The following VAT1L variants were observed in gnomAD, a reference collection of about 807,000 sequenced individuals.
The protein encoded by VAT1L is vesicle amine transport 1 like.
A neutral mutation model predicts 44.1 loss-of-function variants in VAT1L; 34 were observed. The observed-to-expected ratio is 0.77, with a 90% CI of 0.59 to 1.03. The LOEUF is 1.03. Ranked by LOEUF, VAT1L falls within the 50% of genes least tolerant of loss-of-function variation. The pLI is 0.00. For synonymous variants in VAT1L, 253 were observed against 202.2 expected (o/e 1.25, Z -2.13); for missense variants, 615 against 538.8 (o/e 1.14, Z -1.40).
chr16:77,906,534 A>G (rs550927903), intron 7 of VAT1L, among the ~76,000 whole-genome samples: 11 of 152,336 alleles, frequency 7.2e-5, no homozygotes, highest in African/African-American at 2.6e-4. Context: ...CCAGAGAGAA[A>G]AAGTGAGGGA....
At chr16:77,811,906 G>C (rs901850212) in intron 1 of VAT1L, among the ~76,000 whole-genome samples, 1 of 152,068 alleles carries the variant, frequency 6.6e-6, no homozygotes, top group African/African-American at 2.4e-5. Context: ...TTTTGATAAT[G>C]TTTGAAACAG....
In VAT1L at chr16:77,862,833, A is replaced by G. The variant is rs776972923; in HGVS notation, c.665A>G (p.Lys222Arg). Reference sequence around the variant, plus strand: ...TCTACTTTCAAGCATGAAGCAATCAAAGACTCTGTGACCCACCTCTTTGAC... The same window carrying G: ...TCTACTTTCAAGCATGAAGCAATCAGAGACTCTGTGACCCACCTCTTTGAC... ...TASTFKHEAI[K>R]DSVTHLFDRN... The change falls in exon 4 of 9, where the codon AAA (lysine) becomes AGA (arginine). Residue 222 changes from lysine to arginine, a missense_variant. Coordinates refer to ENST00000302536, the MANE Select transcript of VAT1L (RefSeq NM_020927.3). The G allele has an allele frequency of 1.2e-6, 2 of 1,614,090 alleles. No homozygotes were observed. The highest frequency in any genetic ancestry group is 2.2e-5 in the South Asian group (2 of 91,080).
intron 4 of VAT1L, among the ~76,000 whole-genome samples, chr16:77,863,285 G>A (rs1369103910): frequency 6.6e-6 from 1 of 152,192 alleles, no homozygotes; most frequent in East Asian, 1.9e-4. Flanking sequence ...TGGGTCTAAA[G>A]GTCCTTTGCT....
At chr16:77,910,598 C>T (rs1219135983) in intron 7 of VAT1L, among the ~76,000 whole-genome samples, 3 of 149,626 alleles carry the variant, frequency 2.0e-5, no homozygotes, top group South Asian at 2.1e-4. Flanking sequence ...TGCATGAACC[C>T]GGGAGGTGGA....
intron 6 of VAT1L, among the ~76,000 whole-genome samples, chr16:77,883,044 G>C (rs534216371): frequency 6.6e-6 from 1 of 152,122 alleles, no homozygotes; most frequent in South Asian, 2.1e-4. Context: ...TTTTCAACCT[G>C]CCTTTTCCAT....
intron 7 of VAT1L, among the ~76,000 whole-genome samples, chr16:77,944,029 G>A (rs2017927327): frequency 6.6e-6 from 1 of 152,148 alleles, no homozygotes; most frequent in African/African-American, 2.4e-5. Flanking sequence ...ATCAAAGGCT[G>A]TGCTTCTCAG....
At chr16:77,820,975 T>C (rs2016443023) in intron 2 of VAT1L, among the ~76,000 whole-genome samples, 2 of 152,218 alleles carry the variant, frequency 1.3e-5, no homozygotes, top group South Asian at 4.1e-4. Context: ...TTTTCCCCTT[T>C]AGACCTACAG....
intron 7 of VAT1L, among the ~76,000 whole-genome samples, chr16:77,934,225 G>A (rs1369554571): frequency 1.3e-5 from 2 of 152,084 alleles, no homozygotes; most frequent in Admixed American, 6.6e-5. Context: ...AAGATTGAGG[G>A]GAAGAAGAGA....
intron 7 of VAT1L, among the ~76,000 whole-genome samples, chr16:77,962,427 T>C (rs913374783): frequency 2.6e-5 from 4 of 151,994 alleles, no homozygotes; most frequent in Non-Finnish European, 2.9e-5. Context: ...TAGGTAGGGA[T>C]GCAAGCAGAG....
intron 7 of VAT1L, among the ~76,000 whole-genome samples, chr16:77,935,810 T>G (rs776034003): frequency 6.6e-6 from 1 of 152,170 alleles, no homozygotes; most frequent in Non-Finnish European, 1.5e-5. Flanking sequence ...ACAAAATATC[T>G]AAACCCTATG....
At chr16:77,835,436 C>A (rs1024940576) in intron 3 of VAT1L, among the ~76,000 whole-genome samples, 1 of 152,194 alleles carries the variant, frequency 6.6e-6, no homozygotes, top group African/African-American at 2.4e-5. Flanking sequence ...TCACTCCATC[C>A]ATCATCCCAT....
intron 4 of VAT1L, 55 bp downstream of exon 4, chr16:77,862,945 G>T: frequency 6.3e-7 from 1 of 1,582,136 alleles, no homozygotes; most frequent in South Asian, 1.2e-5. Flanking sequence ...TGCTCTCAAA[G>T]AGCAGTAGCA....
At position 77,788,578 on chromosome 16, in the gene VAT1L, C is replaced by T; in HGVS notation, c.-105C>T. ...AGGCTGCAGCCATTGCACAGCCGAG[C>T]ATCCCACATTCAACAGGAGGAACCC... On this transcript the variant is annotated 5_prime_UTR_variant, in exon 1 of 9. Coordinates refer to ENST00000302536, the MANE Select transcript of VAT1L (RefSeq NM_020927.3). 1 of 1,301,222 alleles carries T rather than the reference C, an allele frequency of 7.7e-7. No homozygotes were observed. Among genetic ancestry groups the T allele is most frequent in the East Asian group, 2.6e-5 (1 of 39,130 alleles). 80.6% of individuals were successfully genotyped at this position (1,301,222 alleles called of 1,614,324 possible). A position where few individuals can be genotyped will look rare whatever the true frequency, so the allele number is the denominator to read the frequency against.
chr16:77,952,791 A>T (rs2018058743), intron 7 of VAT1L, among the ~76,000 whole-genome samples: 1 of 142,398 alleles, frequency 7.0e-6, no homozygotes, highest in South Asian at 2.4e-4. Flanking sequence ...TGGGAGGCAG[A>T]GGTTGCACTG....
At chr16:77,885,779 C>T (rs1031416118) in intron 7 of VAT1L, among the ~76,000 whole-genome samples, 1 of 152,046 alleles carries the variant, frequency 6.6e-6, no homozygotes, top group Non-Finnish European at 1.5e-5. Flanking sequence ...GGCAAGAAGG[C>T]TGTGTCTGTT....
At chr16:77,886,620 A>T (rs536806026) in intron 7 of VAT1L, among the ~76,000 whole-genome samples, 1 of 152,248 alleles carries the variant, frequency 6.6e-6, no homozygotes, top group Non-Finnish European at 1.5e-5. Context: ...TGGAGCTACA[A>T]TGATGAACAA....
chr16:77,939,978 G>A (rs9932161), intron 7 of VAT1L, among the ~76,000 whole-genome samples: 1 of 151,926 alleles, frequency 6.6e-6, no homozygotes, highest in Non-Finnish European at 1.5e-5. Context: ...TGCAGTAATA[G>A]AAATGAGATC....
intron 3 of VAT1L, among the ~76,000 whole-genome samples, chr16:77,843,055 T>C (rs190533364): frequency 3.2e-4 from 49 of 152,216 alleles, no homozygotes; most frequent in African/African-American, 1.2e-3. Flanking sequence ...AGTCACAAGA[T>C]TGGCAAAGAC....
chr16:77,977,553 G>C (rs988739465), intron 8 of VAT1L, 44 bp from the exon 9 acceptor site: 7 of 1,593,584 alleles, frequency 4.4e-6, no homozygotes, highest in East Asian at 2.2e-5. Context: ...AGATGACGAG[G>C]CTGGGTTGCA....
Sources: gnomAD v4.1 joint callset for allele counts (sites outside exome capture counted in the v4.1 genomes callset) on GRCh38, gnomAD v4.1.1 for gene constraint, MANE v1.5 for transcripts, NCBI Gene and HGNC (gene_info 2026-07-23, HGNC 2026-07-21) for gene names.